CNOT4: variants seen among roughly 807,000 people sequenced by gnomAD.
CNOT4 encodes the protein CCR4-associated factor 4.
Under a neutral mutation model 73.8 loss-of-function variants are expected in CNOT4, and 8 were observed. The ratio of observed to expected loss-of-function variants is 0.11; its 90% CI spans 0.06 to 0.20. The LOEUF is 0.20. CNOT4 is among the 10% of genes least tolerant of loss of function. CNOT4 has a pLI of 1.00. For missense variants in CNOT4, 564 were observed against 883.4 expected (o/e 0.64, Z 4.58); for synonymous variants, 293 against 321.1 (o/e 0.91, Z 0.94).
intron 7 of CNOT4, among the ~76,000 whole-genome samples, chr7:135,410,033 G>A (rs377729449): frequency 1.1e-4 from 16 of 152,164 alleles, no homozygotes; most frequent in African/African-American, 3.6e-4. Context: ...CTGAATATGG[G>A]ATACTCCCTG....
At chr7:135,415,340 T>C (rs1039752982) in intron 3 of CNOT4, 78 bp from the exon 4 acceptor site, 3 of 701,308 alleles carry the variant, frequency 4.3e-6, no homozygotes, top group African/African-American at 1.8e-5. Flanking sequence ...ACATTCATCA[T>C]CCCTCTTCAG....
chr7:135,478,445 A>C (rs1802137938), intron 1 of CNOT4, among the ~76,000 whole-genome samples: 1 of 152,170 alleles, frequency 6.6e-6, no homozygotes, highest in South Asian at 2.1e-4. Flanking sequence ...CCTTTAAATG[A>C]TATTATAAGA....
intron 1 of CNOT4, among the ~76,000 whole-genome samples, chr7:135,485,297 C>G (rs1390780647): frequency 6.6e-6 from 1 of 152,120 alleles, no homozygotes; most frequent in Non-Finnish European, 1.5e-5. Context: ...GTCTTGATCT[C>G]TTGACCTCAT....
chr7:135,392,037 A>C (rs1235806577), intron 10 of CNOT4, among the ~76,000 whole-genome samples: 1 of 152,048 alleles, frequency 6.6e-6, no homozygotes, highest in African/African-American at 2.4e-5. Context: ...GTGTAATGAC[A>C]TACTAATTCC....
Position 135,504,481 on chromosome 7 carries a change from T to TA in CNOT4, c.-93+5407_-93+5408insT, listed in dbSNP as rs1563088762. On this transcript the variant is annotated intron_variant, in intron 1 of 11. Transcript: ENST00000541284. ...CGGCTAATTTTTTTTTTTTTTTTTT[T>TA]TTTTTTTTATTTTTATTTTTTTTGA... Among the ~76,000 whole-genome samples the TA allele has an allele frequency of 2.6e-4, 14 of 54,754 alleles. 3 individuals carry two copies. Among genetic ancestry groups the TA allele is most frequent in the African/African-American group, 9.6e-4 (10 of 10,436 alleles). The allele number at this position is 54,754 out of a possible 152,430, so 35.9% of individuals were successfully genotyped here. A position where few individuals can be genotyped will look rare whatever the true frequency, so the allele number is the denominator to read the frequency against.
intron 10 of CNOT4, among the ~76,000 whole-genome samples, chr7:135,392,891 C>T (rs1228189669): frequency 2.0e-5 from 3 of 152,082 alleles, no homozygotes; most frequent in African/African-American, 4.8e-5. Context: ...AAAACAAGAG[C>T]GTGAACTTCT....
At chr7:135,465,641 C>T (rs1801171172) in intron 1 of CNOT4, among the ~76,000 whole-genome samples, 1 of 151,922 alleles carries the variant, frequency 6.6e-6, no homozygotes, top group Admixed American at 6.6e-5. Flanking sequence ...GTTCCATGTC[C>T]AGTGGGACAA....
rs375864813 is a variant in CNOT4 at position 135,430,637 on chromosome 7, C to T, written c.174+7521G>A. 1.6e-4 allele frequency among the ~76,000 whole-genome samples: 25 copies of T among 151,820 alleles called. 1 individual carries two copies. Among genetic ancestry groups the T allele is most frequent in the African/African-American group, 6.0e-4 (25 of 41,404 alleles). On this transcript the variant is annotated intron_variant, in intron 2 of 11. Coordinates refer to ENST00000541284, the MANE Select transcript of CNOT4 (RefSeq NM_001190850.2). The stretch of plus-strand genomic sequence containing the variant: ...TCCACCCTGGGCGAGAGACCAAGAC[C>T]CTATCGCTTTAAAAAAAACCAAAAA...
chr7:135,501,297 T>C (rs999013737), intron 1 of CNOT4, among the ~76,000 whole-genome samples: 2 of 152,172 alleles, frequency 1.3e-5, no homozygotes, highest in Admixed American at 6.6e-5. Context: ...CTAAAACTTT[T>C]TGAGGCTGTT....
At chr7:135,380,903 C>A (rs1400388366) in intron 10 of CNOT4, among the ~76,000 whole-genome samples, 1 of 152,084 alleles carries the variant, frequency 6.6e-6, no homozygotes. Flanking sequence ...GATTCCAATA[C>A]AAATCATTTT....
intron 10 of CNOT4, among the ~76,000 whole-genome samples, chr7:135,371,665 C>A (rs1352467894): frequency 6.6e-6 from 1 of 151,786 alleles, no homozygotes; most frequent in Non-Finnish European, 1.5e-5. Context: ...TTAATGAGAA[C>A]CAGAAGAATC....
Position 135,438,325 on chromosome 7 carries a change from G to C in CNOT4, c.7C>G (p.Arg3Gly). The part of the protein sequence containing the change: MS[R>G]SPDAKEDPVE... Reference sequence around the variant, plus strand: ...GGGTCTTCCTTCGCATCAGGACTGCGAGACATCTTCACGTTTATTAAACAG... The same window carrying C: ...GGGTCTTCCTTCGCATCAGGACTGCCAGACATCTTCACGTTTATTAAACAG... The change falls in exon 2 of 12, where the codon CGC becomes GGC. Residue 3 changes from arginine to glycine, a missense_variant. Arg to Gly is a moderately radical substitution (Grantham distance 125). This residue lies in a region of CNOT4 where 76 missense variants were observed against 208.7 expected (regional missense o/e 0.36). Coordinates refer to ENST00000541284, the MANE Select transcript of CNOT4 (RefSeq NM_001190850.2). 3 of 1,601,278 alleles carry C rather than the reference G, an allele frequency of 1.9e-6. No homozygotes were observed. Among genetic ancestry groups the C allele is most frequent in the Non-Finnish European group, 2.6e-6 (3 of 1,174,574 alleles).
At chr7:135,451,551 C>T (rs563456687) in intron 1 of CNOT4, among the ~76,000 whole-genome samples, 187 of 152,220 alleles carry the variant, frequency 1.2e-3, no homozygotes, top group Non-Finnish European at 2.0e-3. Context: ...CCTCGACCTC[C>T]CAAAGTGCTG....
At chr7:135,477,881 T>TTATATTTTATGCCAATA in intron 1 of CNOT4, among the ~76,000 whole-genome samples, 1 of 152,188 alleles carries the variant, frequency 6.6e-6, no homozygotes. Flanking sequence ...CACATAATCC[T>TTATATTTTATGCCAATA]TATATTTTAT....
At chr7:135,420,285 GT>G (rs751201801) in intron 3 of CNOT4, among the ~76,000 whole-genome samples, 166 of 151,892 alleles carry the variant, frequency 1.1e-3, no homozygotes, top group Non-Finnish European at 2.1e-3. Context: ...AAACGTGAAA[GT>G]AGATTCTAGG....
intron 10 of CNOT4, chr7:135,388,223 CA>C (rs1796220734): frequency 1.0e-6 from 1 of 984,882 alleles, no homozygotes; most frequent in Admixed American, 6.2e-5. Context: ...AGAGAGAGAA[CA>C]AAACAGTTTC....
In CNOT4 at chr7:135,461,849, T is replaced by A. The variant is rs558882063; in HGVS notation, c.-92-23426A>T. On this transcript the variant is annotated intron_variant, in intron 1 of 11. Transcript: ENST00000541284. ...CCCGTCCCAAAAAAATAAAATAAAA[T>A]AGAAAAAGGAAATAAGCAGAGCAAA... Among the ~76,000 whole-genome samples the A allele has an allele frequency of 2.1e-3, 326 of 151,874 alleles. 1 individual carries two copies. Among genetic ancestry groups the A allele is most frequent in the African/African-American group, 7.0e-3 (292 of 41,430 alleles).
rs1794738310 is a variant in CNOT4, at chr7:135,363,271, C to G, written c.1841-85G>C. The G allele has an allele frequency of 8.0e-7, 1 of 1,250,140 alleles. No individual in the cohort carries two copies. The allele number at this position is 1,250,140 out of a possible 1,614,324, so 77.4% of individuals were successfully genotyped here. Reference sequence around the variant, plus strand: ...GTCAAACAAATTTAGAAAGCAAAACCAAAAGGAAAGACAGAAGAGATTACA... The same window carrying G: ...GTCAAACAAATTTAGAAAGCAAAACGAAAAGGAAAGACAGAAGAGATTACA... On this transcript the variant is annotated intron_variant, in intron 11 of 11. Coordinates refer to ENST00000541284, the MANE Select transcript of CNOT4 (RefSeq NM_001190850.2). This position sits in a 1 kb window ranked among gnomAD's most constrained non-coding sequence, Gnocchi z 4.3.
intron 1 of CNOT4, among the ~76,000 whole-genome samples, chr7:135,473,690 T>C (rs1310452951): frequency 6.6e-6 from 1 of 152,030 alleles, no homozygotes; most frequent in Non-Finnish European, 1.5e-5. Flanking sequence ...GAGGCCGCAG[T>C]GAGCCGAGAT....
Sources: gnomAD v4.1 joint callset for allele counts (sites outside exome capture counted in the v4.1 genomes callset) on GRCh38, gnomAD v4.1.1 for gene constraint, gnomAD v4.1.1 regional missense constraint, Gnocchi (gnomAD v3.1) non-coding constraint, MANE v1.5 for transcripts, NCBI Gene and HGNC (gene_info 2026-07-23, HGNC 2026-07-21) for gene names.